The following CAPZA1 variants were observed in gnomAD, a reference collection of about 807,000 sequenced individuals.
The protein encoded by CAPZA1 is capping actin protein of muscle Z-line subunit alpha 1.
In CAPZA1, 10 loss-of-function variants were observed where a neutral mutation model predicts 40.8. The observed-to-expected ratio is 0.25, with a 90% CI of 0.15 to 0.42. The LOEUF is 0.42. Among genes scored for constraint, CAPZA1 ranks in the 10% least tolerant of loss-of-function variants. CAPZA1 has a pLI of 1.00. For synonymous variants in CAPZA1, 98 were observed against 115.0 expected (o/e 0.85, Z 0.95); for missense variants, 277 against 353.8 (o/e 0.78, Z 1.74).
chr1:112,662,846 C>T (rs1671648012), intron 7 of CAPZA1, among the ~76,000 whole-genome samples: 1 of 152,142 alleles, frequency 6.6e-6, no homozygotes, highest in Admixed American at 6.5e-5. Context: ...CTGCATACCT[C>T]CTCTCTTTAG....
chr1:112,621,018 G>C lies in CAPZA1; in HGVS notation c.39+1135G>C, dbSNP rs115498358. ...TTTCAATAAGAAGTTGGGATGGGAA[G>C]GGGACTGTTATGATCCATAAGTCCT... On this transcript the variant is annotated intron_variant, in intron 1 of 9. Transcript: ENST00000263168. Among the ~76,000 whole-genome samples, 139 of 152,254 alleles carry C rather than the reference G, an allele frequency of 9.1e-4. 1 individual carries two copies. Among genetic ancestry groups the C allele is most frequent in the African/African-American group, 3.2e-3 (134 of 41,558 alleles).
chr1:112,649,602 G>T, intron 3 of CAPZA1, 133 bp downstream of exon 3: 1 of 718,882 alleles, frequency 1.4e-6, no homozygotes, highest in Non-Finnish European at 2.4e-6. Context: ...AATTTTCGTT[G>T]TTTTTTTTAA....
intron 7 of CAPZA1, among the ~76,000 whole-genome samples, chr1:112,661,283 CTA>C (rs1671602717): frequency 6.6e-6 from 1 of 152,152 alleles, no homozygotes; most frequent in Non-Finnish European, 1.5e-5. Flanking sequence ...GTTCACAGCT[CTA>C]GGAGGAGCCC....
intron 1 of CAPZA1, among the ~76,000 whole-genome samples, chr1:112,640,102 C>T (rs1371140117): frequency 3.3e-5 from 4 of 122,136 alleles, no homozygotes; most frequent in African/African-American, 1.3e-4. Flanking sequence ...GTGAGGAGCC[C>T]CTCTGCCCAG....
At chr1:112,621,288 ATTTTT>A (rs58049077) in intron 1 of CAPZA1, among the ~76,000 whole-genome samples, 2 of 148,420 alleles carry the variant, frequency 1.3e-5, no homozygotes, top group East Asian at 4.0e-4. Flanking sequence ...CAACTAAACA[ATTTTT>A]TTTTTTTTTT....
chr1:112,650,135 CTT>C (rs1391261689), intron 3 of CAPZA1: 1 of 152,230 alleles, frequency 6.6e-6, no homozygotes, highest in African/African-American at 2.4e-5. Flanking sequence ...CTCAGAGTTC[CTT>C]TGTAAAGAGT....
At chr1:112,667,852 G>A (rs569771569) in intron 8 of CAPZA1, among the ~76,000 whole-genome samples, 4 of 152,116 alleles carry the variant, frequency 2.6e-5, no homozygotes, top group African/African-American at 9.6e-5. Context: ...TCTATACCTT[G>A]AAAGAAGAGA....
At chr1:112,656,806 A>G (rs1557735826) in intron 5 of CAPZA1, among the ~76,000 whole-genome samples, 1 of 151,584 alleles carries the variant, frequency 6.6e-6, no homozygotes, top group Non-Finnish European at 1.5e-5. Flanking sequence ...CTTATTCCCT[A>G]TCACATTTTC....
intron 1 of CAPZA1, among the ~76,000 whole-genome samples, chr1:112,627,767 C>T (rs2887882): frequency 0.2 from 29,943 of 151,768 alleles, 3,782 homozygotes; most frequent in East Asian, 0.47. Flanking sequence ...TTGAGACCAG[C>T]CTGACCAACA....
intron 8 of CAPZA1, among the ~76,000 whole-genome samples, chr1:112,667,596 T>C (rs1342269126): frequency 6.6e-6 from 1 of 152,182 alleles, no homozygotes; most frequent in African/African-American, 2.4e-5. Flanking sequence ...AGGAAGGACA[T>C]GATCACAGCT....
chr1:112,665,036 G>C (rs1044984150), intron 7 of CAPZA1, among the ~76,000 whole-genome samples: 1 of 152,184 alleles, frequency 6.6e-6, no homozygotes, highest in Non-Finnish European at 1.5e-5. Context: ...CTACAGCTAA[G>C]ATTACTGAGT....
chr1:112,650,764 A>G (rs912589964), intron 3 of CAPZA1, among the ~76,000 whole-genome samples: 1 of 152,224 alleles, frequency 6.6e-6, no homozygotes, highest in Admixed American at 6.5e-5. Context: ...TGTCATTGCA[A>G]CCTAAAGCCT....
At chr1:112,625,532 T>G (rs1670788853) in intron 1 of CAPZA1, among the ~76,000 whole-genome samples, 1 of 152,222 alleles carries the variant, frequency 6.6e-6, no homozygotes, top group African/African-American at 2.4e-5. Context: ...CAGTATTCTT[T>G]CCAACTGGAT....
intron 8 of CAPZA1, among the ~76,000 whole-genome samples, chr1:112,668,853 T>A (rs775832703): frequency 6.6e-6 from 1 of 152,222 alleles, no homozygotes; most frequent in Non-Finnish European, 1.5e-5. Context: ...AATTACATCA[T>A]ACACACATTA....
At chr1:112,644,804 T>C (rs576546410) in intron 1 of CAPZA1, among the ~76,000 whole-genome samples, 53 of 152,302 alleles carry the variant, frequency 3.5e-4, no homozygotes, top group Non-Finnish European at 6.5e-4. Context: ...ACTAGCATTA[T>C]TACTATGTAT....
At position 112,619,893 on chromosome 1, in the gene CAPZA1, C is replaced by A; in HGVS notation, c.39+10C>A. On this transcript the variant is annotated intron_variant, in intron 1 of 9. Transcript: ENST00000263168. The stretch of plus-strand genomic sequence containing the variant: ...GTCGGATGAGGAGAAGGTAAGGGGT[C>A]CGCCTCTCTCTCTTACCTCCTCCCC... The A allele has an allele frequency of 6.2e-7, 1 of 1,606,130 alleles. No individual in the cohort carries two copies. The highest frequency in any genetic ancestry group is 1.7e-5 in the Admixed American group (1 of 59,334).
In CAPZA1 at chr1:112,670,219, T is replaced by C; in HGVS notation, c.*87T>C. The C allele has an allele frequency of 6.6e-7, 1 of 1,508,552 alleles. No homozygotes were observed. Among genetic ancestry groups the C allele is most frequent in the South Asian group, 1.2e-5 (1 of 84,032 alleles). The allele number at this position is 1,508,552 out of a possible 1,614,324, so 93.4% of individuals were successfully genotyped here. A position where few individuals can be genotyped will look rare whatever the true frequency, so the allele number is the denominator to read the frequency against. On this transcript the variant is annotated 3_prime_UTR_variant, in exon 10 of 10. Coordinates refer to ENST00000263168, the MANE Select transcript of CAPZA1 (RefSeq NM_006135.3). ...TAAATAAGTGATTTATAAACAAGAG[T>C]GATATTTTGCTAGGGCTTTCAAAGT...
rs1281804206 is a variant in CAPZA1, at chr1:112,654,451, T to C, written c.220-14T>C. 2.5e-6 allele frequency: 4 copies of C among 1,572,696 alleles called. No homozygotes were observed. The highest frequency in any genetic ancestry group is 2.6e-6 in the Non-Finnish European group (3 of 1,148,286). On this transcript the variant is annotated splice_polypyrimidine_tract_variant and intron_variant, in intron 4 of 9. Coordinates refer to ENST00000263168, the MANE Select transcript of CAPZA1 (RefSeq NM_006135.3). ...TTTTTACAGTTACTCATATGTTTAA[T>C]GATTCTTTGGAAGGTCTTAATTACA...
At chr1:112,627,636 CAAAAAAAAAAAAAAAAAA>C (rs3034524) in intron 1 of CAPZA1, among the ~76,000 whole-genome samples, 2 of 50,764 alleles carry the variant, frequency 3.9e-5, no homozygotes, top group African/African-American at 8.2e-5. Flanking sequence ...GACTCTGTCT[CAAAAAAAAAAAAAAAAAA>C]AAAAAAAAAA....
Sources: gnomAD v4.1 joint callset for allele counts (sites outside exome capture counted in the v4.1 genomes callset) on GRCh38, gnomAD v4.1.1 for gene constraint, MANE v1.5 for transcripts, NCBI Gene and HGNC (gene_info 2026-07-23, HGNC 2026-07-21) for gene names.